The following ZNF350 variants were observed in gnomAD, a reference collection of about 807,000 sequenced individuals.
ZNF350 encodes KRAB zinc finger protein ZFQR.
A neutral mutation model predicts 13.1 loss-of-function variants in ZNF350; 5 were observed. The ratio of observed to expected loss-of-function variants is 0.38; its 90% CI spans 0.20 to 0.80. ZNF350 has a LOEUF of 0.80. ZNF350 is among the 30% of genes least tolerant of loss of function. The pLI is 0.43. For missense variants in ZNF350, 534 were observed against 644.2 expected (o/e 0.83, Z 1.85); for synonymous variants, 199 against 224.2 (o/e 0.89, Z 1.00).
intron 1 of ZNF350, among the ~76,000 whole-genome samples, chr19:51,977,555 C>T (rs996054153): frequency 2.0e-5 from 3 of 152,200 alleles, no homozygotes; most frequent in African/African-American, 7.2e-5. Flanking sequence ...CAGCAGTGTA[C>T]ACAGGCCGCT....
Position 51,964,488 on chromosome 19 carries a change from G to C in ZNF350, c.*366C>G. ...AAGGAAACTGAATTGACACATATGTGTCCCACATTCCACCATTACAGTATT... is the reference window on the plus strand; with the variant it reads ...AAGGAAACTGAATTGACACATATGTCTCCCACATTCCACCATTACAGTATT... On this transcript the variant is annotated 3_prime_UTR_variant, in exon 5 of 5. Coordinates refer to ENST00000243644, the MANE Select transcript of ZNF350 (RefSeq NM_021632.4). 1 of 240,166 alleles carries C rather than the reference G, an allele frequency of 4.2e-6. No homozygotes were observed. The allele number at this position is 240,166 out of a possible 1,614,324, so 14.9% of individuals were successfully genotyped here. A position where few individuals can be genotyped will look rare whatever the true frequency, so the allele number is the denominator to read the frequency against.
intron 1 of ZNF350, among the ~76,000 whole-genome samples, chr19:51,983,184 G>A (rs1291741468): frequency 2.0e-5 from 3 of 152,222 alleles, no homozygotes; most frequent in Non-Finnish European, 4.4e-5. Flanking sequence ...GTGTTTGCAG[G>A]CAGTATGCTT....
intron 1 of ZNF350, chr19:51,984,224 G>A (rs2086119947): frequency 6.6e-6 from 1 of 151,272 alleles, no homozygotes; most frequent in African/African-American, 2.4e-5. Context: ...ACTGGGGATG[G>A]GGACAGAAAG....
At chr19:51,971,016 A>G (rs1167478011) in intron 2 of ZNF350, among the ~76,000 whole-genome samples, 1 of 152,174 alleles carries the variant, frequency 6.6e-6, no homozygotes, top group Non-Finnish European at 1.5e-5. Flanking sequence ...ACTGAAAGGC[A>G]TGGCTGGCAA....
Position 51,964,716 on chromosome 19 carries a change from C to T in ZNF350, c.*138G>A. On this transcript the variant is annotated 3_prime_UTR_variant, in exon 5 of 5. Coordinates refer to ENST00000243644, the MANE Select transcript of ZNF350 (RefSeq NM_021632.4). ...GTTAACATCAAATTTGCCTGTGTAT[C>T]ACAGCATACATTTTAATAGGATGAG... 9.7e-7 allele frequency: 1 copy of T among 1,032,742 alleles called. No homozygotes were observed. The highest frequency in any genetic ancestry group is 1.7e-5 in the South Asian group (1 of 57,440). 64.0% of individuals were successfully genotyped at this position (1,032,742 alleles called of 1,614,324 possible).
In ZNF350 at chr19:51,984,827, G is replaced by A. The variant is rs946771303; in HGVS notation, c.-172+1943C>T. The stretch of plus-strand genomic sequence containing the variant: ...GCCCTAAAATATTTACTGTAAATTC[G>A]CCTGATCCTTGTCATTGAGCAAAGA... On this transcript the variant is annotated intron_variant, in intron 1 of 4. Coordinates refer to ENST00000243644, the MANE Select transcript of ZNF350 (RefSeq NM_021632.4). Among the ~76,000 whole-genome samples, 10 of 150,698 alleles carry A rather than the reference G, an allele frequency of 6.6e-5. No individual in the cohort carries two copies. In the East Asian group the frequency reaches 1.2e-3, roughly 18 times the overall value.
chr19:51,966,916 G>A (rs980264821), intron 4 of ZNF350, among the ~76,000 whole-genome samples: 1 of 151,990 alleles, frequency 6.6e-6, no homozygotes, highest in Non-Finnish European at 1.5e-5. Flanking sequence ...CAAAGTTCTG[G>A]GATTACAGGT....
At chr19:51,983,317 G>A (rs982861251) in intron 1 of ZNF350, among the ~76,000 whole-genome samples, 15 of 152,190 alleles carry the variant, frequency 9.9e-5, no homozygotes, top group African/African-American at 3.6e-4. Context: ...CACTGATACA[G>A]CCTGAGATAT....
intron 4 of ZNF350, 76 bp from the exon 5 acceptor site, chr19:51,966,290 G>GC: frequency 2.8e-6 from 3 of 1,083,476 alleles, no homozygotes; most frequent in Non-Finnish European, 3.7e-6. Context: ...TGTTTTTTTT[G>GC]TTTTTTTTTT....
At chr19:51,975,969 G>A (rs973553683) in intron 1 of ZNF350, among the ~76,000 whole-genome samples, 4 of 152,260 alleles carry the variant, frequency 2.6e-5, no homozygotes, top group African/African-American at 7.2e-5. Context: ...TATCATGAAT[G>A]CAGGATGTCA....
At chr19:51,975,819 G>C (rs1039270868) in intron 1 of ZNF350, among the ~76,000 whole-genome samples, 1 of 151,664 alleles carries the variant, frequency 6.6e-6, no homozygotes, top group Non-Finnish European at 1.5e-5. Context: ...CGGCCTCCCG[G>C]GTTCAAGCAA....
chr19:51,972,437 C>T (rs937984205), intron 2 of ZNF350, among the ~76,000 whole-genome samples: 1 of 147,222 alleles, frequency 6.8e-6, no homozygotes, highest in Non-Finnish European at 1.5e-5. Flanking sequence ...ACTTGATTCT[C>T]TCCTAACCCC....
chr19:51,985,240 A>G (rs2086137780), intron 1 of ZNF350, among the ~76,000 whole-genome samples: 1 of 152,200 alleles, frequency 6.6e-6, no homozygotes, highest in Non-Finnish European at 1.5e-5. Context: ...TTAACTCCAG[A>G]CAACACAACG....
At chr19:51,986,629 C>T (rs2086162905) in intron 1 of ZNF350, 141 bp downstream of exon 1, 1 of 153,048 alleles carries the variant, frequency 6.5e-6, no homozygotes, top group Non-Finnish European at 1.5e-5. Context: ...TCCCAAATGC[C>T]TATACCCCGG....
At chr19:51,981,483 T>A (rs1555766773) in intron 1 of ZNF350, 1 of 152,164 alleles carries the variant, frequency 6.6e-6, no homozygotes, top group South Asian at 2.1e-4. Flanking sequence ...TTAGTAGAGA[T>A]CGGATTTCAG....
chr19:51,964,869 A>C lies in ZNF350; in HGVS notation c.1584T>G (p.Val528=). The C allele has an allele frequency of 6.2e-7, 1 of 1,607,022 alleles. No homozygotes were observed. Among genetic ancestry groups the C allele is most frequent in the Non-Finnish European group, 8.5e-7 (1 of 1,174,732 alleles). The change falls in exon 5 of 5, where the codon GTT becomes GTG. Residue 528 remains valine, a synonymous_variant. Coordinates refer to ENST00000243644, the MANE Select transcript of ZNF350 (RefSeq NM_021632.4). ...PSVINYVLFY[V]TENP is the part of the protein sequence containing the mutation. ...AGTTTTCTTCCTATGGGTTTTCTGTAACATAAAATAAGACATAATTGATCA... is the reference window on the plus strand; with the variant it reads ...AGTTTTCTTCCTATGGGTTTTCTGTCACATAAAATAAGACATAATTGATCA...
At chr19:51,985,179 A>T (rs1187129915) in intron 1 of ZNF350, among the ~76,000 whole-genome samples, 1 of 152,220 alleles carries the variant, frequency 6.6e-6, no homozygotes, top group Non-Finnish European at 1.5e-5. Flanking sequence ...AAAATTAACA[A>T]AGTAAAGGAA....
In ZNF350 at chr19:51,965,139, AG is replaced by A; in HGVS notation, c.1313del (p.Pro438LeufsTer36). 6.2e-7 allele frequency: 1 copy of A among 1,614,204 alleles called. No individual in the cohort carries two copies. The highest frequency in any genetic ancestry group is 8.5e-7 in the Non-Finnish European group (1 of 1,180,044). The stretch of plus-strand genomic sequence containing the variant: ...TGTGTAATGAGCTGTGCCTCTCTGC[AG>A]GAGGATTTTCCACCTTGGCTGCCTC... ...KQEAAKVENP[P>X]AERHSSLHTS... On this transcript the variant is annotated frameshift_variant, in exon 5 of 5. Coordinates refer to ENST00000243644, the MANE Select transcript of ZNF350 (RefSeq NM_021632.4). LOFTEE classifies it low-confidence loss of function (END_TRUNC).
intron 2 of ZNF350, among the ~76,000 whole-genome samples, chr19:51,971,830 T>C (rs2085746459): frequency 6.6e-6 from 1 of 152,216 alleles, no homozygotes; most frequent in East Asian, 1.9e-4. Flanking sequence ...CCCCTAGGTC[T>C]GTGCGGGTTA....
Sources: gnomAD v4.1 joint callset for allele counts (sites outside exome capture counted in the v4.1 genomes callset) on GRCh38, gnomAD v4.1.1 for gene constraint, MANE v1.5 for transcripts, NCBI Gene and HGNC (gene_info 2026-07-23, HGNC 2026-07-21) for gene names.